The following SCN8A variants were observed in gnomAD, a reference collection of about 807,000 sequenced individuals.
SCN8A encodes sodium channel protein type 8 subunit alpha.
In SCN8A, 30 loss-of-function variants were observed where a neutral mutation model predicts 184.1. The ratio of observed to expected loss-of-function variants is 0.16; its 90% CI spans 0.12 to 0.22. SCN8A has a LOEUF of 0.22. Among genes scored for constraint, SCN8A ranks in the 10% least tolerant of loss-of-function variants. The pLI is 1.00. For synonymous variants in SCN8A, 852 were observed against 907.0 expected, an observed-to-expected ratio of 0.94 and a Z score of 1.09; for missense variants, 1,057 against 2,498.9, an observed-to-expected ratio of 0.42 and a Z score of 12.30.
chr12:51,729,248 G>C (rs1157373438), intron 12 of SCN8A, among the ~76,000 whole-genome samples: 1 of 152,148 alleles, frequency 6.6e-6, no homozygotes, highest in East Asian at 1.9e-4. Flanking sequence ...AGGAGGTGGA[G>C]AAGGAGTTAT....
At chr12:51,799,350 C>T (rs1215019874) in intron 26 of SCN8A, among the ~76,000 whole-genome samples, 2 of 152,154 alleles carry the variant, frequency 1.3e-5, no homozygotes, top group African/African-American at 4.8e-5. Flanking sequence ...TCAGAGAGCA[C>T]CTAGTTCATG....
At chr12:51,609,072 T>C (rs2138573622) in intron 1 of SCN8A, among the ~76,000 whole-genome samples, 1 of 152,352 alleles carries the variant, frequency 6.6e-6, no homozygotes, top group South Asian at 2.1e-4. Flanking sequence ...TGATTTCTAG[T>C]TTTATTCCAC....
intron 12 of SCN8A, among the ~76,000 whole-genome samples, chr12:51,742,181 A>G (rs1942437331): frequency 1.3e-5 from 2 of 152,116 alleles, no homozygotes; most frequent in South Asian, 4.1e-4. Context: ...TATTATTTAT[A>G]TTGGCTTATC....
intron 1 of SCN8A, among the ~76,000 whole-genome samples, chr12:51,613,729 A>G (rs571609819): frequency 6.6e-6 from 1 of 152,134 alleles, no homozygotes; most frequent in East Asian, 1.9e-4. Context: ...TAATGCTACA[A>G]ATTTCCCTCT....
chr12:51,742,218 A>T (rs529957671), intron 12 of SCN8A, among the ~76,000 whole-genome samples: 1 of 152,182 alleles, frequency 6.6e-6, no homozygotes, highest in Admixed American at 6.5e-5. Context: ...GGTATGTGGG[A>T]GTTTACATGC....
intron 1 of SCN8A, among the ~76,000 whole-genome samples, chr12:51,653,461 G>A (rs1940759295): frequency 6.6e-6 from 1 of 152,198 alleles, no homozygotes; most frequent in South Asian, 2.1e-4. Context: ...ATTTCACCTA[G>A]CATTTTTTCA....
chr12:51,783,460 G>A (rs1937986832), intron 21 of SCN8A, among the ~76,000 whole-genome samples: 1 of 152,324 alleles, frequency 6.6e-6, no homozygotes, highest in South Asian at 2.1e-4. Flanking sequence ...CAGACTCAGA[G>A]CTTCGCTTGA....
At chr12:51,773,975 G>A (rs930941629) in intron 19 of SCN8A, among the ~76,000 whole-genome samples, 3 of 152,200 alleles carry the variant, frequency 2.0e-5, no homozygotes, top group African/African-American at 4.8e-5. Flanking sequence ...TATACTAAAA[G>A]CCATTTTAAA....
intron 6 of SCN8A, among the ~76,000 whole-genome samples, chr12:51,691,183 C>T (rs959440379): frequency 2.0e-5 from 3 of 152,124 alleles, no homozygotes; most frequent in African/African-American, 7.2e-5. Context: ...CTTCCCTCAG[C>T]GTACTCTGCA....
At position 51,766,131 on chromosome 12, in the gene SCN8A, T is replaced by C. The variant is rs146658201; in HGVS notation, c.2901+104T>C. 8 of 908,366 alleles carry C rather than the reference T, an allele frequency of 8.8e-6. No individual in the cohort carries two copies. In the East Asian group the frequency reaches 1.4e-4, roughly 16 times the overall value. The allele number at this position is 908,366 out of a possible 1,614,324, so 56.3% of individuals were successfully genotyped here. ...TGCTTAGTCCTTCTACTACCCGTCA[T>C]GTTTGTTGATTTTTATTCTTTCTTG... On this transcript the variant is annotated intron_variant, in intron 16 of 26. Transcript: ENST00000627620.
chr12:51,693,954 C>T (rs892172930), intron 6 of SCN8A, among the ~76,000 whole-genome samples: 2 of 152,122 alleles, frequency 1.3e-5, no homozygotes, highest in African/African-American at 4.8e-5. Flanking sequence ...TTTTTTGAGA[C>T]GGAGTTTCGC....
rs147579437 is a variant in SCN8A at position 51,737,086 on chromosome 12, A to G, written c.1999-8817A>G. Among the ~76,000 whole-genome samples, 950 of 152,336 alleles carry G rather than the reference A, an allele frequency of 6.2e-3. 7 individuals carry two copies. Among genetic ancestry groups the G allele is most frequent in the African/African-American group, 0.02 (820 of 41,580 alleles). ...CGAGAATACTCACAAAGTCAGCTAAACGGGTTTGCCAAGTAAGACTATTTA... is the reference window on the plus strand; with the variant it reads ...CGAGAATACTCACAAAGTCAGCTAAGCGGGTTTGCCAAGTAAGACTATTTA... On this transcript the variant is annotated intron_variant, in intron 12 of 26. Coordinates refer to ENST00000627620, the MANE Select transcript of SCN8A (RefSeq NM_001330260.2).
intron 14 of SCN8A, among the ~76,000 whole-genome samples, chr12:51,757,793 C>T (rs1358287222): frequency 2.0e-5 from 3 of 151,880 alleles, no homozygotes; most frequent in Middle Eastern, 3.4e-3. Flanking sequence ...TCTCAAAAAA[C>T]AAAACACAAC....
At chr12:51,785,945 G>T (rs933003857) in intron 21 of SCN8A, among the ~76,000 whole-genome samples, 2 of 152,100 alleles carry the variant, frequency 1.3e-5, no homozygotes, top group African/African-American at 4.8e-5. Context: ...CATCTGTTCA[G>T]ATTTTATTTT....
chr12:51,788,616 C>A, intron 22 of SCN8A, 79 bp from the exon 23 acceptor site: 1 of 1,114,758 alleles, frequency 9.0e-7, no homozygotes, highest in Non-Finnish European at 1.3e-6. Context: ...TGAACCTAAG[C>A]CTGGCCTTTG....
At chr12:51,694,556 T>G (rs1941562800) in intron 6 of SCN8A, among the ~76,000 whole-genome samples, 1 of 152,248 alleles carries the variant, frequency 6.6e-6, no homozygotes, top group African/African-American at 2.4e-5. Context: ...CGAGCTAATG[T>G]TAGCCTTTTC....
chr12:51,746,382 G>A (rs1447908985), intron 13 of SCN8A, among the ~76,000 whole-genome samples: 3 of 152,176 alleles, frequency 2.0e-5, no homozygotes, highest in South Asian at 2.1e-4. Flanking sequence ...CTGAAGAACT[G>A]CAAAGATACA....
intron 1 of SCN8A, among the ~76,000 whole-genome samples, chr12:51,643,710 T>C (rs1940503685): frequency 6.6e-6 from 1 of 152,244 alleles, no homozygotes; most frequent in Non-Finnish European, 1.5e-5. Flanking sequence ...GTCTATATTA[T>C]ATATTGACAT....
intron 12 of SCN8A, among the ~76,000 whole-genome samples, chr12:51,740,567 C>T (rs926966295): frequency 2.6e-5 from 4 of 152,176 alleles, no homozygotes; most frequent in Non-Finnish European, 5.9e-5. Flanking sequence ...TGTGACCTAA[C>T]ATATGGTCTG....
Sources: gnomAD v4.1 joint callset for allele counts (sites outside exome capture counted in the v4.1 genomes callset) on GRCh38, gnomAD v4.1.1 for gene constraint, MANE v1.5 for transcripts, NCBI Gene and HGNC (gene_info 2026-07-23, HGNC 2026-07-21) for gene names.